Variants in TMEM131 observed in about 807,000 individuals in gnomAD.
TMEM131 encodes transmembrane protein 131.
A neutral mutation model predicts 211.6 loss-of-function variants in TMEM131; 66 were observed. The observed-to-expected ratio is 0.31, with a 90% CI of 0.26 to 0.38. The LOEUF (loss-of-function observed/expected upper bound fraction) is 0.38. TMEM131 is among the 10% of genes least tolerant of loss of function. TMEM131 has a pLI of 1.00. For synonymous variants in TMEM131, 844 were observed against 841.3 expected (o/e 1.00, Z -0.06); for missense variants, 2,036 against 2,299.3 (o/e 0.89, Z 2.34).
intron 4 of TMEM131, among the ~76,000 whole-genome samples, chr2:97,875,907 C>CA (rs961151407): frequency 1.1e-4 from 16 of 151,950 alleles, no homozygotes; most frequent in Non-Finnish European, 2.2e-4. Context: ...AAAAACCCTT[C>CA]AAAAAAATCA....
At chr2:97,821,304 A>G (rs1375752605) in intron 11 of TMEM131, among the ~76,000 whole-genome samples, 2 of 152,216 alleles carry the variant, frequency 1.3e-5, no homozygotes. Flanking sequence ...GTCTAGCTAA[A>G]GGACTGTAAA....
chr2:97,865,657 G>C (rs1337019422), intron 4 of TMEM131, among the ~76,000 whole-genome samples: 1 of 152,116 alleles, frequency 6.6e-6, no homozygotes, highest in Non-Finnish European at 1.5e-5. Context: ...TTTTGTGGAG[G>C]ATTTTTGCGT....
Position 97,951,049 on chromosome 2 carries a change from G to C in TMEM131, c.188-23562C>G, listed in dbSNP as rs552877900. 6.6e-4 allele frequency among the ~76,000 whole-genome samples: 101 copies of C among 152,192 alleles called. 2 individuals carry two copies. In the South Asian group the frequency reaches 0.016, roughly 25 times the overall value. ...TGCACATTTTAAAGTTAAAATGATAGAACCAGAGAACAGAAGCAGAGAGCA... is the reference window on the plus strand; with the variant it reads ...TGCACATTTTAAAGTTAAAATGATACAACCAGAGAACAGAAGCAGAGAGCA... On this transcript the variant is annotated intron_variant, in intron 1 of 40. Transcript: ENST00000186436.
At position 97,761,905 on chromosome 2, in the gene TMEM131, C is replaced by T. The variant is rs1003062824; in HGVS notation, c.4889+130G>A. On this transcript the variant is annotated intron_variant, in intron 36 of 40. Coordinates refer to ENST00000186436, the MANE Select transcript of TMEM131 (RefSeq NM_015348.2). ...TGGACCCCAGGTAAAAGGGTCCACA[C>T]AAGCTGGCAGCCATCAGAAGTAACA... 19 of 1,107,756 alleles carry T rather than the reference C, an allele frequency of 1.7e-5. No individual in the cohort carries two copies. In the Admixed American group the frequency reaches 3.3e-4, roughly 19 times the overall value. The allele number at this position is 1,107,756 out of a possible 1,614,324, so 68.6% of individuals were successfully genotyped here.
chr2:97,848,108 A>G (rs1398796181), intron 5 of TMEM131, among the ~76,000 whole-genome samples: 1 of 152,234 alleles, frequency 6.6e-6, no homozygotes, highest in Admixed American at 6.5e-5. Context: ...AGAGTCTATT[A>G]GATACGTATT....
chr2:97,842,097 C>T (rs1683226985), intron 6 of TMEM131, among the ~76,000 whole-genome samples, 160 bp from the exon 7 acceptor site: 3 of 152,108 alleles, frequency 2.0e-5, no homozygotes, highest in African/African-American at 4.8e-5. Context: ...TGTTTCTGTA[C>T]ATGATTTGGC....
At chr2:97,853,640 C>T (rs1673720374) in intron 5 of TMEM131, among the ~76,000 whole-genome samples, 1 of 149,734 alleles carries the variant, frequency 6.7e-6, no homozygotes, top group Non-Finnish European at 1.5e-5. Flanking sequence ...ATTTGTGATT[C>T]ATGGGAGAAG....
intron 38 of TMEM131, chr2:97,760,010 T>A: frequency 2.4e-6 from 1 of 413,606 alleles, no homozygotes; most frequent in Non-Finnish European, 4.4e-6. Context: ...CAGACATTTT[T>A]TCCTTCTGTT....
intron 15 of TMEM131, 57 bp from the exon 16 acceptor site, chr2:97,812,806 A>AAT: frequency 1.0e-6 from 1 of 971,560 alleles, no homozygotes; most frequent in Non-Finnish European, 1.5e-6. Context: ...TAACAATATT[A>AAT]TGAAGAGAAA....
intron 3 of TMEM131, among the ~76,000 whole-genome samples, chr2:97,905,475 C>T (rs938348588): frequency 6.6e-6 from 1 of 152,196 alleles, no homozygotes; most frequent in Non-Finnish European, 1.5e-5. Flanking sequence ...TCCTCCCTCT[C>T]CCAATTCCTA....
chr2:97,844,205 T>C lies in TMEM131; in HGVS notation c.540A>G (p.Val180=). Residue 180 remains valine, a synonymous_variant, in exon 6 of 41, where the codon GTA becomes GTG. Transcript: ENST00000186436. ...SFDVVFLARV[V]GNVENTLFIN... Reference sequence around the variant, plus strand: ...TAAATAAAGTATTTTCTACATTTCCTACTACTCTTGCAAGAAAAACTACAT... The same window carrying C: ...TAAATAAAGTATTTTCTACATTTCCCACTACTCTTGCAAGAAAAACTACAT... 7.5e-7 allele frequency: 1 copy of C among 1,337,958 alleles called. No individual in the cohort carries two copies. Among genetic ancestry groups the C allele is most frequent in the South Asian group, 1.8e-5 (1 of 56,300 alleles). 82.9% of individuals were successfully genotyped at this position (1,337,958 alleles called of 1,614,324 possible). A position where few individuals can be genotyped will look rare whatever the true frequency, so the allele number is the denominator to read the frequency against.
chr2:97,823,265 G>A (rs574611910), intron 11 of TMEM131, among the ~76,000 whole-genome samples: 3 of 152,094 alleles, frequency 2.0e-5, no homozygotes, highest in African/African-American at 4.8e-5. Context: ...CCGGGCTATC[G>A]GTTATGTCCC....
intron 40 of TMEM131, among the ~76,000 whole-genome samples, chr2:97,757,868 G>T (rs113151039): frequency 6.6e-6 from 1 of 152,186 alleles, no homozygotes; most frequent in African/African-American, 2.4e-5. Context: ...ACTCTTTATA[G>T]AAAGTTTGCT....
intron 32 of TMEM131, 61 bp downstream of exon 32, chr2:97,775,782 T>G: frequency 6.5e-7 from 1 of 1,535,174 alleles, no homozygotes; most frequent in Admixed American, 2.1e-5. Flanking sequence ...TGGAAGGTCT[T>G]GTGAGCTGCA....
intron 5 of TMEM131, among the ~76,000 whole-genome samples, chr2:97,846,015 TGCCAAA>T (rs1683410432): frequency 6.6e-6 from 1 of 152,244 alleles, no homozygotes; most frequent in Non-Finnish European, 1.5e-5. Context: ...TGACACAATC[TGCCAAA>T]GCTCACTCAA....
chr2:97,897,295 C>G (rs1404102606), intron 3 of TMEM131, among the ~76,000 whole-genome samples: 4 of 152,032 alleles, frequency 2.6e-5, no homozygotes, highest in African/African-American at 9.7e-5. Context: ...GTAATGACTA[C>G]CACATCCAGT....
chr2:97,758,095 G>GCA (rs1298272832), intron 40 of TMEM131, among the ~76,000 whole-genome samples: 1 of 150,448 alleles, frequency 6.6e-6, no homozygotes, highest in Non-Finnish European at 1.5e-5. Context: ...TTGTGCCACT[G>GCA]CACTCCAGCC....
intron 8 of TMEM131, among the ~76,000 whole-genome samples, chr2:97,835,274 G>A (rs1682888656): frequency 1.3e-5 from 2 of 152,176 alleles, no homozygotes; most frequent in African/African-American, 4.8e-5. Context: ...TGGTGTTTGG[G>A]TATATAACTC....
chr2:97,953,755 G>A (rs567217629), intron 1 of TMEM131, among the ~76,000 whole-genome samples: 3 of 151,920 alleles, frequency 2.0e-5, no homozygotes, highest in Admixed American at 2.0e-4. Context: ...CCATACCCTG[G>A]GTCATAAAAC....
Sources: gnomAD v4.1 joint callset for allele counts (sites outside exome capture counted in the v4.1 genomes callset) on GRCh38, gnomAD v4.1.1 for gene constraint, MANE v1.5 for transcripts, NCBI Gene and HGNC (gene_info 2026-07-23, HGNC 2026-07-21) for gene names.